Variants in CLIC2 observed in about 807,000 individuals in gnomAD.
The protein encoded by CLIC2 is chloride intracellular channel protein 2.
A neutral mutation model predicts 14.8 loss-of-function variants in CLIC2; 9 were observed. The observed-to-expected ratio is 0.61, with a 90% CI of 0.37 to 1.06. The LOEUF (loss-of-function observed/expected upper bound fraction) is 1.06, where lower values mean the gene tolerates loss of function less well. CLIC2 is among the 50% of genes least tolerant of loss of function. CLIC2 has a pLI of 0.01. For synonymous variants in CLIC2, 61 were observed against 66.3 expected, an observed-to-expected ratio of 0.92 and a Z score of 0.39; for missense variants, 148 against 181.4, an observed-to-expected ratio of 0.82 and a Z score of 1.06.
At chrX:155,306,532 A>G (rs2075056371) in intron 1 of CLIC2, among the ~76,000 whole-genome samples, 1 of 111,548 alleles carries the variant, frequency 9.0e-6, no homozygotes, top group Non-Finnish European at 1.9e-5. Context: ...TCATTGTATT[A>G]GGTCACTCTT....
At chrX:155,287,350 T>C (rs1557317172) in intron 3 of CLIC2, among the ~76,000 whole-genome samples, 1 of 111,554 alleles carries the variant, frequency 9.0e-6, no homozygotes, top group African/African-American at 3.3e-5. Flanking sequence ...TTTTTTTCTT[T>C]TGAGACAGAG....
In CLIC2 at chrX:155,277,190, C is replaced by T. The variant is rs1438199282; in HGVS notation, c.*713G>A. On this transcript the variant is annotated 3_prime_UTR_variant, in exon 6 of 6. Coordinates refer to ENST00000369449, the MANE Select transcript of CLIC2 (RefSeq NM_001289.6). ...TTGGTCAGCCACAGTTTTTATTTTCCTTTTCATTTCTATGAATAAAAGATT... is the reference window on the plus strand; with the variant it reads ...TTGGTCAGCCACAGTTTTTATTTTCTTTTTCATTTCTATGAATAAAAGATT... 1.8e-5 allele frequency: 2 copies of T among 112,059 alleles called. No homozygotes were observed. Among genetic ancestry groups the T allele is most frequent in the Non-Finnish European group, 3.8e-5 (2 of 53,085 alleles). 9.2% of individuals were successfully genotyped at this position (112,059 alleles called of 1,213,427 possible). A position where few individuals can be genotyped will look rare whatever the true frequency, so the allele number is the denominator to read the frequency against.
intron 1 of CLIC2, among the ~76,000 whole-genome samples, chrX:155,327,513 G>C (rs1427985603): frequency 1.8e-5 from 2 of 110,961 alleles, no homozygotes; most frequent in Non-Finnish European, 3.8e-5. Context: ...TTTTAAAAAA[G>C]AATGAGATCA....
rs1420642283 is a variant in CLIC2 at position 155,279,424 on chromosome X, T to C, written c.401-94A>G. The C allele has an allele frequency of 2.2e-5, 14 of 638,053 alleles. No individual in the cohort carries two copies. In the African/African-American group the frequency reaches 3.0e-4, roughly 14 times the overall value. 52.6% of individuals were successfully genotyped at this position (638,053 alleles called of 1,213,427 possible). Reference sequence around the variant, plus strand: ...CTTTCCACACATTTAGACACCTCTATCTATACATACTACTTACACTGGCTC... The same window carrying C: ...CTTTCCACACATTTAGACACCTCTACCTATACATACTACTTACACTGGCTC... On this transcript the variant is annotated intron_variant, in intron 4 of 5. Coordinates refer to ENST00000369449, the MANE Select transcript of CLIC2 (RefSeq NM_001289.6).
rs782570929 is a variant in CLIC2, at chrX:155,314,574, T to G, written c.58-15429A>C. 5.4e-5 allele frequency among the ~76,000 whole-genome samples: 6 copies of G among 111,774 alleles called. No individual in the cohort carries two copies. The South Asian group carries it at 1.9e-3, about 35-fold the overall frequency. The stretch of plus-strand genomic sequence containing the variant: ...GGACCACCCCGTGGGAGAAAAGAAT[T>G]TGAACAGCCCCTCCCAGATCTTCCC... On this transcript the variant is annotated intron_variant, in intron 1 of 5. Coordinates refer to ENST00000369449, the MANE Select transcript of CLIC2 (RefSeq NM_001289.6).
rs5904403 is a variant in CLIC2, at chrX:155,333,729, T to TA, written c.57+641dup. Among the ~76,000 whole-genome samples, 524 of 86,143 alleles carry TA rather than the reference T, an allele frequency of 6.1e-3. 5 individuals carry two copies. Among genetic ancestry groups the TA allele is most frequent in the East Asian group, 0.02 (51 of 2,500 alleles). The allele number at this position is 86,143 out of a possible 115,157, so 74.8% of individuals were successfully genotyped here. The stretch of plus-strand genomic sequence containing the variant: ...GTGCTTTTCTGAAAAGTTGACATGT[T>TA]AAAAAAAAAAAAAAACAACTCCATG... On this transcript the variant is annotated intron_variant, in intron 1 of 5. Coordinates refer to ENST00000369449, the MANE Select transcript of CLIC2 (RefSeq NM_001289.6).
intron 1 of CLIC2, among the ~76,000 whole-genome samples, chrX:155,324,962 C>T (rs1464915594): frequency 5.4e-5 from 6 of 111,572 alleles, no homozygotes; most frequent in Admixed American, 9.5e-5. Context: ...AGGATATGAG[C>T]GTCTCAAAAG....
At position 155,326,110 on chromosome X, in the gene CLIC2, CACTACTATATATCTTATTCATGTA is replaced by C. The variant is rs1296268571; in HGVS notation, c.57+8237_57+8260del. On this transcript the variant is annotated intron_variant, in intron 1 of 5. Coordinates refer to ENST00000369449, the MANE Select transcript of CLIC2 (RefSeq NM_001289.6). ...ACGGATGCACCAATATCTCTGAAAT[CACTACTATATATCTTATTCATGTA>C]ACCAAACTTCACCTGTTCCCCAAAA... Among the ~76,000 whole-genome samples the C allele has an allele frequency of 1.8e-5, 2 of 109,140 alleles. 1 individual carries two copies. Among genetic ancestry groups the C allele is most frequent in the African/African-American group, 6.7e-5 (2 of 29,998 alleles). 94.8% of individuals were successfully genotyped at this position (109,140 alleles called of 115,157 possible).
At chrX:155,305,303 A>G (rs1360785803) in intron 1 of CLIC2, among the ~76,000 whole-genome samples, 2 of 112,163 alleles carry the variant, frequency 1.8e-5, no homozygotes, top group African/African-American at 3.2e-5. Flanking sequence ...CCCGCCGGAA[A>G]AGCGCAGTAT....
At chrX:155,326,217 C>G (rs1345175528) in intron 1 of CLIC2, among the ~76,000 whole-genome samples, 2 of 110,755 alleles carry the variant, frequency 1.8e-5, no homozygotes, top group Non-Finnish European at 3.8e-5. Context: ...GTGTTGTATA[C>G]ATTGAATATA....
intron 3 of CLIC2, 96 bp from the exon 4 acceptor site, chrX:155,280,164 C>T: frequency 1.7e-6 from 1 of 578,315 alleles, no homozygotes; most frequent in Non-Finnish European, 3.0e-6. Flanking sequence ...AGTTCTGGAA[C>T]ATTGTGCTGG....
At chrX:155,305,440 C>T (rs1028271297) in intron 1 of CLIC2, among the ~76,000 whole-genome samples, 1 of 112,417 alleles carries the variant, frequency 8.9e-6, no homozygotes, top group Non-Finnish European at 1.9e-5. Context: ...GGCTCGCGCA[C>T]GGTGCACGCA....
chrX:155,303,043 A>C (rs1327271086), intron 1 of CLIC2, among the ~76,000 whole-genome samples: 3 of 87,297 alleles, frequency 3.4e-5, no homozygotes, highest in Non-Finnish European at 7.0e-5. Flanking sequence ...GTGCTGAAAA[A>C]AATGTATATT....
chrX:155,283,338 G>A (rs2074926793), intron 3 of CLIC2, among the ~76,000 whole-genome samples: 1 of 111,880 alleles, frequency 8.9e-6, no homozygotes, highest in Non-Finnish European at 1.9e-5. Context: ...TCTTTTTGTT[G>A]TTGTTGTTTT....
intron 1 of CLIC2, among the ~76,000 whole-genome samples, chrX:155,300,361 T>G (rs2124178855): frequency 9.0e-6 from 1 of 110,754 alleles, no homozygotes; most frequent in South Asian, 3.9e-4. Flanking sequence ...GTTTTTTGGC[T>G]GCATAAATGT....
intron 3 of CLIC2, among the ~76,000 whole-genome samples, chrX:155,285,958 C>T (rs952421602): frequency 2.8e-5 from 3 of 108,681 alleles, no homozygotes; most frequent in South Asian, 4.2e-4. Flanking sequence ...AGAGGAGGCC[C>T]CCCAAAAACC....
rs781828709 is a variant in CLIC2, at chrX:155,292,579, G to A, written c.293+6206C>T. The A allele has an allele frequency of 2.7e-5, 10 of 373,399 alleles. No homozygotes were observed. In the South Asian group the frequency reaches 4.1e-4, roughly 15 times the overall value. 30.8% of individuals were successfully genotyped at this position (373,399 alleles called of 1,213,427 possible). A position where few individuals can be genotyped will look rare whatever the true frequency, so the allele number is the denominator to read the frequency against. ...AGGTCAGGAGATCGAGACCATCCTG[G>A]CTAACACGGTGAAACCCCGTCTCTA... On this transcript the variant is annotated intron_variant, in intron 3 of 5. Coordinates refer to ENST00000369449, the MANE Select transcript of CLIC2 (RefSeq NM_001289.6).
chrX:155,313,988 T>C (rs1372137069), intron 1 of CLIC2, among the ~76,000 whole-genome samples: 1 of 111,020 alleles, frequency 9.0e-6, no homozygotes, highest in Middle Eastern at 4.2e-3. Flanking sequence ...CATAACTCCA[T>C]TGGCCTGGGA....
intron 3 of CLIC2, among the ~76,000 whole-genome samples, chrX:155,284,481 A>G (rs1203075184): frequency 6.4e-5 from 7 of 109,143 alleles, no homozygotes; most frequent in Non-Finnish European, 1.3e-4. Context: ...CTGGTCTCGA[A>G]CTCCTGACTT....
Sources: allele counts gnomAD v4.1 joint callset (sites outside exome capture counted in the v4.1 genomes callset), GRCh38; gene constraint gnomAD v4.1.1; transcripts MANE v1.5; gene names NCBI Gene and HGNC (gene_info 2026-07-23, HGNC 2026-07-21).